Variants in RAD23B observed in about 807,000 individuals in gnomAD.
RAD23B encodes RAD23 nucleotide excision repair protein B, also known as lysine-specific demethylase RAD23B.
A neutral mutation model predicts 49.1 loss-of-function variants in RAD23B; 5 were observed. The observed-to-expected ratio is 0.10, with a 90% CI of 0.05 to 0.21. The LOEUF is 0.21. Ranked by LOEUF, RAD23B falls within the 10% of genes least tolerant of loss-of-function variation. RAD23B has a pLI of 1.00. For missense variants in RAD23B, 356 were observed against 486.7 expected, an observed-to-expected ratio of 0.73 and a Z score of 2.53; for synonymous variants, 184 against 165.4, an observed-to-expected ratio of 1.11 and a Z score of -0.86.
rs925633091 is a variant in RAD23B at position 107,318,768 on chromosome 9, C to T, written c.570C>T (p.Tyr190=). ...CCTTTTTAGTGACGGGTCAGTCTTA[C>T]GAGAATATGGTAACTGAGATCATGT... is the stretch of plus-strand genomic sequence containing the variant. ...ATSALVTGQS[Y]ENMVTEIMSM... The change falls in exon 6 of 10, where the codon TAC becomes TAT. Residue 190 remains tyrosine (Y), a synonymous_variant. Coordinates refer to ENST00000358015, the MANE Select transcript of RAD23B (RefSeq NM_002874.5). This position sits in a 1 kb window ranked among gnomAD's most constrained non-coding sequence, Gnocchi z 4.3. The T allele has an allele frequency of 8.7e-6, 14 of 1,612,366 alleles. No individual in the cohort carries two copies. Among genetic ancestry groups the T allele is most frequent in the African/African-American group, 2.7e-5 (2 of 74,792 alleles).
In RAD23B at chr9:107,308,218, ATTTT is replaced by A. The variant is rs149392767; in HGVS notation, c.497+1585_497+1588del. On this transcript the variant is annotated intron_variant, in intron 4 of 9. Coordinates refer to ENST00000358015, the MANE Select transcript of RAD23B (RefSeq NM_002874.5). Reference sequence around the variant, plus strand: ...TTAAATTTCTTTCTTCATTAACTCCATTTTTTTTTTTTTTTTTGGAGACAGAGTC... The same window carrying A: ...TTAAATTTCTTTCTTCATTAACTCCATTTTTTTTTTTTTGGAGACAGAGTC... 2.5e-3 allele frequency among the ~76,000 whole-genome samples: 322 copies of A among 130,632 alleles called. 2 individuals carry two copies. The highest frequency in any genetic ancestry group is 5.5e-3 in the African/African-American group (192 of 34,624). 85.7% of individuals were successfully genotyped at this position (130,632 alleles called of 152,430 possible).
At position 107,291,245 on chromosome 9, in the gene RAD23B, A is replaced by G. The variant is rs551714181; in HGVS notation, c.66+7550A>G. Among the ~76,000 whole-genome samples the G allele has an allele frequency of 3.3e-5, 5 of 152,312 alleles. No homozygotes were observed. In the East Asian group the frequency reaches 7.7e-4, roughly 24 times the overall value. ...CACTGGCGAGATCCATTCTTTGCCT[A>G]TATAGAAACTTACAGGTATCTTGGG... is the stretch of plus-strand genomic sequence containing the variant. On this transcript the variant is annotated intron_variant, in intron 1 of 9. Transcript: ENST00000358015.
At chr9:107,312,501 A>G (rs1290429360) in intron 5 of RAD23B, among the ~76,000 whole-genome samples, 1 of 152,168 alleles carries the variant, frequency 6.6e-6, no homozygotes. Context: ...TCTCTGAGCT[A>G]GTTGGACTGG....
chr9:107,287,851 CA>C (rs919219101), intron 1 of RAD23B, among the ~76,000 whole-genome samples: 1 of 118,224 alleles, frequency 8.5e-6, no homozygotes, highest in East Asian at 2.7e-4. Flanking sequence ...AAAAAAAAAA[CA>C]AAAAAACTGT....
At chr9:107,294,915 G>A (rs1020686035) in intron 1 of RAD23B, among the ~76,000 whole-genome samples, 18 of 152,182 alleles carry the variant, frequency 1.2e-4, no homozygotes, top group Non-Finnish European at 5.9e-5. Context: ...AACCAAAAGT[G>A]TGGCATCCTG....
intron 1 of RAD23B, among the ~76,000 whole-genome samples, chr9:107,285,955 A>G (rs1033937902): frequency 1.8e-4 from 28 of 152,246 alleles, no homozygotes; most frequent in African/African-American, 6.8e-4. Flanking sequence ...CCAGTAAGAA[A>G]ATAAACAATG....
Position 107,322,046 on chromosome 9 carries a change from G to T in RAD23B, c.745G>T (p.Ala249Ser), listed in dbSNP as rs1827120320. The T allele has an allele frequency of 6.2e-7, 1 of 1,613,506 alleles. No homozygotes were observed. The highest frequency in any genetic ancestry group is 1.3e-5 in the African/African-American group (1 of 74,902). Residue 249 changes from alanine to serine, a missense_variant, in exon 7 of 10, where the codon GCT becomes TCT. Ala to Ser is a moderately conservative substitution (Grantham distance 99). This residue lies in a region of RAD23B where 148 missense variants were observed against 231.7 expected (regional missense o/e 0.64). Transcript: ENST00000358015. ...VDPPQAASTG[A>S]PQSSAVAAAA... ...CCCCCCTCAAGCAGCTAGTACTGGGGCTCCTCAGTCTTCAGCAGTGGCTGC... is the reference window on the plus strand; with the variant it reads ...CCCCCCTCAAGCAGCTAGTACTGGGTCTCCTCAGTCTTCAGCAGTGGCTGC...
chr9:107,283,594 G>C lies in RAD23B; in HGVS notation c.-36G>C, dbSNP rs1336547069. The C allele has an allele frequency of 6.8e-7, 1 of 1,461,962 alleles. No homozygotes were observed. 90.6% of individuals were successfully genotyped at this position (1,461,962 alleles called of 1,614,324 possible). The stretch of plus-strand genomic sequence containing the variant: ...AGACCCCGCCCAGCGGCCAGCACCC[G>C]GCGCAGGCCCGGCAGCCGAGCTGCG... On this transcript the variant is annotated 5_prime_UTR_variant, in exon 1 of 10. Coordinates refer to ENST00000358015, the MANE Select transcript of RAD23B (RefSeq NM_002874.5).
intron 1 of RAD23B, among the ~76,000 whole-genome samples, chr9:107,291,972 A>G (rs1833391459): frequency 6.6e-6 from 1 of 152,222 alleles, no homozygotes; most frequent in African/African-American, 2.4e-5. Context: ...ATTCAGGCTC[A>G]TTATAGTAAA....
At chr9:107,284,499 A>C (rs12001235) in intron 1 of RAD23B, among the ~76,000 whole-genome samples, 10,160 of 152,162 alleles carry the variant, frequency 0.067, 402 homozygotes, top group African/African-American at 0.1. Context: ...GAAAAAAAAA[A>C]CAAAAAACAA....
At chr9:107,302,722 C>T (rs977951198) in intron 3 of RAD23B, among the ~76,000 whole-genome samples, 1 of 149,044 alleles carries the variant, frequency 6.7e-6, no homozygotes, top group African/African-American at 2.5e-5. Context: ...GTGACGCTGT[C>T]TTGGCTCACT....
At chr9:107,290,383 T>C (rs1833357468) in intron 1 of RAD23B, among the ~76,000 whole-genome samples, 1 of 152,210 alleles carries the variant, frequency 6.6e-6, no homozygotes. Context: ...TTTTTCCCCA[T>C]CTTAATGATA....
In RAD23B at chr9:107,323,975, G is replaced by A. The variant is rs61758755; in HGVS notation, c.903G>A (p.Ala301=). The part of the protein sequence containing the change: ...IIQQNPSLLP[A]LLQQIGRENP... The stretch of plus-strand genomic sequence containing the variant: ...AGCAGAATCCTTCCTTGCTTCCAGC[G>A]TTACTACAGCAGATAGGTCGAGAGA... Residue 301 remains alanine, a synonymous_variant, in exon 8 of 10, where the codon GCG becomes GCA. Coordinates refer to ENST00000358015, the MANE Select transcript of RAD23B (RefSeq NM_002874.5). 1,058 of 1,613,264 alleles carry A rather than the reference G, an allele frequency of 6.6e-4. 2 individuals carry two copies. The highest frequency in any genetic ancestry group is 7.7e-4 in the Non-Finnish European group (904 of 1,179,278).
intron 4 of RAD23B, among the ~76,000 whole-genome samples, chr9:107,307,954 A>C (rs1025832976): frequency 2.6e-5 from 4 of 152,208 alleles, no homozygotes; most frequent in Admixed American, 6.5e-5. Context: ...TACCACCTAG[A>C]GTCAGGTTAA....
At chr9:107,304,904 A>G (rs1353814866) in intron 3 of RAD23B, among the ~76,000 whole-genome samples, 1 of 152,188 alleles carries the variant, frequency 6.6e-6, no homozygotes, top group Non-Finnish European at 1.5e-5. Context: ...TCTTGACCAG[A>G]AGCCTTACTG....
intron 8 of RAD23B, 89 bp from the exon 9 acceptor site, chr9:107,324,744 CT>C (rs869101637): frequency 2.3e-6 from 3 of 1,308,540 alleles, no homozygotes; most frequent in Non-Finnish European, 3.1e-6. Flanking sequence ...AAAGTGTAGC[CT>C]TTTCTCTTAG....
chr9:107,316,601 GAA>G (rs764455565), intron 5 of RAD23B, among the ~76,000 whole-genome samples: 33 of 152,184 alleles, frequency 2.2e-4, no homozygotes, highest in Middle Eastern at 6.8e-3. Context: ...ATGGGAAAAG[GAA>G]AGTCATTATT....
At chr9:107,303,792 T>C (rs933917223) in intron 3 of RAD23B, among the ~76,000 whole-genome samples, 1 of 152,232 alleles carries the variant, frequency 6.6e-6, no homozygotes, top group African/African-American at 2.4e-5. Context: ...ATGGGAAATG[T>C]GATAGCCACA....
chr9:107,307,864 T>G (rs966127858), intron 4 of RAD23B, among the ~76,000 whole-genome samples: 2 of 152,188 alleles, frequency 1.3e-5, no homozygotes, highest in African/African-American at 4.8e-5. Flanking sequence ...GCTTTAAGCA[T>G]TCTATGACAC....
Sources: gnomAD v4.1 joint callset for allele counts (sites outside exome capture counted in the v4.1 genomes callset) on GRCh38, gnomAD v4.1.1 for gene constraint, gnomAD v4.1.1 regional missense constraint, Gnocchi (gnomAD v3.1) non-coding constraint, MANE v1.5 for transcripts, NCBI Gene and HGNC (gene_info 2026-07-23, HGNC 2026-07-21) for gene names.